The following DPP6 variants were observed in gnomAD, a reference collection of about 807,000 sequenced individuals.
DPP6 encodes the protein dipeptidyl peptidase like 6.
A neutral mutation model predicts 122.6 loss-of-function variants in DPP6; 69 were observed. The ratio of observed to expected loss-of-function variants is 0.56; its 90% CI spans 0.46 to 0.69. The LOEUF is 0.69. Among genes scored for constraint, DPP6 ranks in the 30% least tolerant of loss-of-function variants. The pLI, the probability that DPP6 is intolerant of heterozygous loss-of-function variation, is 0.00. For missense variants in DPP6, 928 were observed against 1,116.9 expected (o/e 0.83, Z 2.41); for synonymous variants, 418 against 433.1 (o/e 0.97, Z 0.43).
At chr7:154,381,406 A>G (rs1451615037) in intron 1 of DPP6, among the ~76,000 whole-genome samples, 2 of 152,184 alleles carry the variant, frequency 1.3e-5, no homozygotes, top group African/African-American at 4.8e-5. Context: ...CAACTCATAT[A>G]CACCTACACA....
chr7:154,460,665 C>A (rs1821219309), intron 2 of DPP6, among the ~76,000 whole-genome samples: 1 of 151,992 alleles, frequency 6.6e-6, no homozygotes, highest in Non-Finnish European at 1.5e-5. Flanking sequence ...TTTTTAAAAT[C>A]AAAAACACAT....
intron 1 of DPP6, among the ~76,000 whole-genome samples, chr7:154,101,346 A>T (rs1403075570): frequency 6.8e-6 from 1 of 146,028 alleles, no homozygotes; most frequent in Non-Finnish European, 1.5e-5. Context: ...CTCAGTAAAT[A>T]TCTGTGATTT....
At chr7:153,790,576 T>C in the DPP6 span, among the ~76,000 whole-genome samples, 1 of 152,210 alleles carries the variant, frequency 6.6e-6, no homozygotes, top group East Asian at 1.9e-4. Context: ...TTAGCAAATA[T>C]TGAATGCCTA....
intron 10 of DPP6, among the ~76,000 whole-genome samples, chr7:154,782,330 A>G (rs543200977): frequency 6.6e-6 from 1 of 152,308 alleles, no homozygotes; most frequent in South Asian, 2.1e-4. Flanking sequence ...TTAAAATATG[A>G]CCATCTATTT....
chr7:154,860,132 G>A (rs1026509014), intron 17 of DPP6, among the ~76,000 whole-genome samples: 1 of 152,152 alleles, frequency 6.6e-6, no homozygotes. Flanking sequence ...ATGAAGCAAC[G>A]CCAGATGCAG....
At chr7:154,207,608 G>A (rs151073902) in intron 1 of DPP6, among the ~76,000 whole-genome samples, 49 of 152,294 alleles carry the variant, frequency 3.2e-4, no homozygotes, top group African/African-American at 1.0e-3. Context: ...AATTTGCAAT[G>A]AATCAGTTAC....
chr7:153,971,675 A>G (rs909406316), intron 1 of DPP6, among the ~76,000 whole-genome samples: 2 of 139,534 alleles, frequency 1.4e-5, no homozygotes, highest in Admixed American at 7.4e-5. Context: ...ATGAATTTTG[A>G]CGTGTGATTA....
At chr7:154,569,740 A>C (rs531106596) in intron 5 of DPP6, among the ~76,000 whole-genome samples, 1 of 152,054 alleles carries the variant, frequency 6.6e-6, no homozygotes, top group South Asian at 2.1e-4. Flanking sequence ...CTAAAAAAAA[A>C]AAAAAATCCT....
intron 1 of DPP6, among the ~76,000 whole-genome samples, chr7:154,444,644 C>T (rs187844523): frequency 3.9e-5 from 6 of 152,264 alleles, no homozygotes; most frequent in South Asian, 2.1e-4. Flanking sequence ...TGAGAAATTG[C>T]GTGCACTAGG....
intron 1 of DPP6, among the ~76,000 whole-genome samples, chr7:154,249,331 G>C (rs958312788): frequency 6.6e-6 from 1 of 152,144 alleles, no homozygotes; most frequent in African/African-American, 2.4e-5. Context: ...TTTAGGAAAG[G>C]AACTTTAATT....
At chr7:154,847,556 C>T in intron 16 of DPP6, among the ~76,000 whole-genome samples, 1 of 151,982 alleles carries the variant, frequency 6.6e-6, no homozygotes, top group South Asian at 2.1e-4. Context: ...TTAATAATTG[C>T]ATATATTTAT....
At chr7:154,532,499 C>T (rs1827919208) in intron 3 of DPP6, among the ~76,000 whole-genome samples, 1 of 151,906 alleles carries the variant, frequency 6.6e-6, no homozygotes. Flanking sequence ...AAGAAAATAA[C>T]TTTCTGAAGT....
At chr7:153,834,232 A>G in the DPP6 span, among the ~76,000 whole-genome samples, 1 of 151,768 alleles carries the variant, frequency 6.6e-6, no homozygotes, top group Non-Finnish European at 1.5e-5. Context: ...GGTTGCAGTG[A>G]GCTGAGATTG....
chr7:154,374,868 T>C (rs1326263990), intron 1 of DPP6, among the ~76,000 whole-genome samples: 1 of 152,166 alleles, frequency 6.6e-6, no homozygotes, highest in Admixed American at 6.5e-5. Flanking sequence ...CGCCTCAGCC[T>C]CCCAAAGTGC....
chr7:154,291,206 C>A (rs1457113395), intron 1 of DPP6, among the ~76,000 whole-genome samples: 1 of 152,164 alleles, frequency 6.6e-6, no homozygotes, highest in African/African-American at 2.4e-5. Flanking sequence ...TTTACTTGCC[C>A]ATCACCACCA....
Position 153,934,926 on chromosome 7 carries a change from C to T in DPP6, c.51+47192C>T, listed in dbSNP as rs113997915. 1.9e-3 allele frequency among the ~76,000 whole-genome samples: 295 copies of T among 151,836 alleles called. 1 individual carries two copies. The highest frequency in any genetic ancestry group is 6.8e-3 in the African/African-American group (284 of 41,522). ...CCAGGGAGGAGGCTCAGTGCCAGCA[C>T]GTTTGGATGGAAATGAAAACAAGGC... is the stretch of plus-strand genomic sequence containing the variant. On this transcript the variant is annotated intron_variant, in intron 1 of 25. Coordinates refer to the DPP6 transcript ENST00000404039.
chr7:154,708,003 G>A (rs1219671956), intron 7 of DPP6, among the ~76,000 whole-genome samples: 3 of 152,180 alleles, frequency 2.0e-5, no homozygotes, highest in Non-Finnish European at 2.9e-5. Flanking sequence ...ACAAAAGGTT[G>A]TGTATTTGCC....
rs76747576 is a variant in DPP6 at position 154,311,790 on chromosome 7, T to G, written c.244-134424T>G. Among the ~76,000 whole-genome samples the G allele has an allele frequency of 6.4e-3, 970 of 152,250 alleles. 13 individuals carry two copies. Among genetic ancestry groups the G allele is most frequent in the African/African-American group, 0.022 (908 of 41,548 alleles). On this transcript the variant is annotated intron_variant, in intron 1 of 25. Coordinates refer to ENST00000377770, the MANE Select transcript of DPP6 (RefSeq NM_130797.4). ...CCTTAATCTCCACTGGTACCCATGG[T>G]TTAGCACCATTTTCTCATACTTGAC...
chr7:153,759,992 T>A, the DPP6 span, among the ~76,000 whole-genome samples: 1 of 151,956 alleles, frequency 6.6e-6, no homozygotes, highest in Non-Finnish European at 1.5e-5. Flanking sequence ...TCTCTCTCTC[T>A]CTCTATCTGT....
Sources: gnomAD v4.1 joint callset for allele counts (sites outside exome capture counted in the v4.1 genomes callset) on GRCh38, gnomAD v4.1.1 for gene constraint, MANE v1.5 for transcripts, NCBI Gene and HGNC (gene_info 2026-07-23, HGNC 2026-07-21) for gene names.